The following NCAM2 variants were observed in gnomAD, a reference collection of about 807,000 sequenced individuals.
NCAM2 encodes the protein N-CAM-2.
In NCAM2, 30 loss-of-function variants were observed where a neutral mutation model predicts 98.1. The ratio of observed to expected loss-of-function variants is 0.31; its 90% CI spans 0.23 to 0.41. The LOEUF (loss-of-function observed/expected upper bound fraction) is 0.41, where lower values mean the gene tolerates loss of function less well. Among genes scored for constraint, NCAM2 ranks in the 10% least tolerant of loss-of-function variants. The pLI is 1.00. For missense variants in NCAM2, 867 were observed against 1,005.8 expected, an observed-to-expected ratio of 0.86 and a Z score of 1.87; for synonymous variants, 368 against 342.4, an observed-to-expected ratio of 1.07 and a Z score of -0.83.
rs755132880 is a variant in NCAM2, at chr21:21,324,425, C to A, written c.662C>A (p.Thr221Lys). 6.2e-7 allele frequency: 1 copy of A among 1,613,800 alleles called. No homozygotes were observed. Residue 221 changes from threonine (T) to lysine (K), a missense_variant, in exon 6 of 18, where the codon ACA becomes AAA. Thr to Lys is a moderately conservative substitution (Grantham distance 78). Around this residue, in one of 5 missense-constraint regions of NCAM2, gnomAD observed 447 missense variants for 495.7 expected, o/e 0.90. Transcript: ENST00000400546. The stretch of plus-strand genomic sequence containing the variant: ...ATGCCTCAGAAATCTTTTAATGCCA[C>A]AGCAGAGAGAGGAGAAGAAATGACA... ...ISMPQKSFNA[T>K]AERGEEMTFS...
chr21:21,395,438 A>G (rs942554580), intron 9 of NCAM2, among the ~76,000 whole-genome samples: 1 of 152,258 alleles, frequency 6.6e-6, no homozygotes, highest in Non-Finnish European at 1.5e-5. Context: ...GGTTTTGACC[A>G]TACTGCCAAA....
chr21:21,109,723 A>AG, intron 1 of NCAM2, among the ~76,000 whole-genome samples: 1 of 152,164 alleles, frequency 6.6e-6, no homozygotes, highest in Non-Finnish European at 1.5e-5. Flanking sequence ...CAATTACAAT[A>AG]GTATTTTCTG....
At chr21:21,370,023 G>A (rs1041984532) in intron 8 of NCAM2, among the ~76,000 whole-genome samples, 1 of 151,622 alleles carries the variant, frequency 6.6e-6, no homozygotes, top group African/African-American at 2.4e-5. Context: ...TGCAGTCATC[G>A]TCATCTTGGC....
At chr21:21,227,092 G>T (rs1042217985) in intron 1 of NCAM2, among the ~76,000 whole-genome samples, 2 of 151,834 alleles carry the variant, frequency 1.3e-5, no homozygotes, top group African/African-American at 4.8e-5. Flanking sequence ...TAAGGCATAA[G>T]ACAATGTTAC....
intron 1 of NCAM2, among the ~76,000 whole-genome samples, chr21:21,157,023 T>A (rs2067635485): frequency 6.6e-6 from 1 of 151,826 alleles, no homozygotes; most frequent in East Asian, 1.9e-4. Flanking sequence ...TTTCAATTCA[T>A]TGCAGAGCAG....
At chr21:21,198,902 A>G (rs745948615) in intron 1 of NCAM2, among the ~76,000 whole-genome samples, 9 of 152,188 alleles carry the variant, frequency 5.9e-5, no homozygotes, top group Non-Finnish European at 1.2e-4. Flanking sequence ...GGATGCAAAC[A>G]TGGAAAATTC....
chr21:21,298,046 G>T (rs963333626), intron 5 of NCAM2, among the ~76,000 whole-genome samples: 1 of 151,720 alleles, frequency 6.6e-6, no homozygotes, highest in African/African-American at 2.4e-5. Context: ...ACAAATGAGT[G>T]TCTGAATGTA....
chr21:21,264,450 A>G (rs1410203662), intron 1 of NCAM2, among the ~76,000 whole-genome samples: 1 of 152,032 alleles, frequency 6.6e-6, no homozygotes, highest in Non-Finnish European at 1.5e-5. Context: ...TTTCTCAAAG[A>G]GCTAAAAATA....
At chr21:21,205,448 GT>G (rs2069404101) in intron 1 of NCAM2, among the ~76,000 whole-genome samples, 1 of 151,976 alleles carries the variant, frequency 6.6e-6, no homozygotes, top group Non-Finnish European at 1.5e-5. Context: ...TTTAAGACCT[GT>G]TTCGTTGTGT....
At chr21:21,039,138 A>G (rs1486068529) in intron 1 of NCAM2, among the ~76,000 whole-genome samples, 1 of 152,060 alleles carries the variant, frequency 6.6e-6, no homozygotes, top group Non-Finnish European at 1.5e-5. Flanking sequence ...TTATAAACTT[A>G]TTTCTTCTAA....
chr21:21,110,127 C>T (rs1486019643), intron 1 of NCAM2, among the ~76,000 whole-genome samples: 2 of 152,138 alleles, frequency 1.3e-5, no homozygotes, highest in African/African-American at 4.8e-5. Context: ...GCATTTGCAG[C>T]ATTAGGGGAA....
intron 1 of NCAM2, among the ~76,000 whole-genome samples, chr21:21,089,422 A>T (rs969684633): frequency 6.6e-6 from 1 of 152,202 alleles, no homozygotes; most frequent in Non-Finnish European, 1.5e-5. Flanking sequence ...TATTAGTGGC[A>T]ATCAAACCCA....
chr21:21,167,813 C>T (rs191250538), intron 1 of NCAM2, among the ~76,000 whole-genome samples: 487 of 152,118 alleles, frequency 3.2e-3, no homozygotes, highest in Non-Finnish European at 4.8e-3. Flanking sequence ...AAATTGAATC[C>T]GTAAGTAATA....
At chr21:21,159,881 A>G (rs2146770796) in intron 1 of NCAM2, among the ~76,000 whole-genome samples, 1 of 152,216 alleles carries the variant, frequency 6.6e-6, no homozygotes, top group East Asian at 1.9e-4. Flanking sequence ...GAGTATACAT[A>G]TACATGTATA....
intron 1 of NCAM2, among the ~76,000 whole-genome samples, chr21:21,218,704 C>T (rs1432451422): frequency 2.0e-5 from 3 of 152,174 alleles, no homozygotes; most frequent in African/African-American, 2.4e-5. Context: ...AGTGAAATCT[C>T]TCCTAGAACC....
chr21:21,430,552 TC>T (rs1476490346), intron 11 of NCAM2, among the ~76,000 whole-genome samples: 2 of 151,834 alleles, frequency 1.3e-5, no homozygotes, highest in East Asian at 3.9e-4. Flanking sequence ...GCAGGCACCT[TC>T]ACAGGGCGGC....
intron 12 of NCAM2, among the ~76,000 whole-genome samples, chr21:21,456,391 G>T (rs534432857): frequency 8.9e-4 from 135 of 152,052 alleles, no homozygotes; most frequent in African/African-American, 3.2e-3. Context: ...ATTACAATTT[G>T]CTCCTGTGAA....
intron 1 of NCAM2, among the ~76,000 whole-genome samples, chr21:21,101,240 C>T (rs571794262): frequency 6.6e-6 from 1 of 151,956 alleles, no homozygotes; most frequent in South Asian, 2.1e-4. Flanking sequence ...ATAACATATC[C>T]ATAAGCTGTA....
intron 1 of NCAM2, among the ~76,000 whole-genome samples, chr21:21,147,879 CTATA>C: frequency 6.6e-6 from 1 of 150,908 alleles, no homozygotes; most frequent in East Asian, 1.9e-4. Flanking sequence ...TTTTCATTCT[CTATA>C]TAATATATAG....
Sources: gnomAD v4.1 joint callset for allele counts (sites outside exome capture counted in the v4.1 genomes callset) on GRCh38, gnomAD v4.1.1 for gene constraint, gnomAD v4.1.1 regional missense constraint, MANE v1.5 for transcripts, NCBI Gene and HGNC (gene_info 2026-07-23, HGNC 2026-07-21) for gene names.